ZNF142: variants seen among roughly 807,000 people sequenced by gnomAD.
ZNF142 encodes the protein zinc finger protein 142.
Under a neutral mutation model 132.1 loss-of-function variants are expected in ZNF142, and 96 were observed. That is an observed-to-expected ratio of 0.73 (90% CI 0.62 to 0.86). The LOEUF is 0.86. Among genes scored for constraint, ZNF142 ranks in the 40% least tolerant of loss-of-function variants. The pLI, the probability that ZNF142 is intolerant of heterozygous loss-of-function variation, is 0.00. For missense variants in ZNF142, 2,163 were observed against 2,336.2 expected (o/e 0.93, Z 1.53); for synonymous variants, 842 against 890.1 (o/e 0.95, Z 0.96).
At position 218,634,193 on chromosome 2, in the gene ZNF142, G is replaced by A. The variant is rs1696571224; in HGVS notation, c.*4146C>T. 6.2e-7 allele frequency: 1 copy of A among 1,611,584 alleles called. No individual in the cohort carries two copies. The highest frequency in any genetic ancestry group is 8.5e-7 in the Non-Finnish European group (1 of 1,178,916). On this transcript the variant is annotated 3_prime_UTR_variant, in exon 11 of 11. Coordinates refer to ENST00000411696, the MANE Select transcript of ZNF142 (RefSeq NM_001379659.1). The surrounding 1 kb of genome is among the most constrained non-coding windows in gnomAD (Gnocchi z 4.0). The stretch of plus-strand genomic sequence containing the variant: ...CAGACTCTTCCAACTACAACCCCCA[G>A]GAACTCTGGAATGCAGGCTGCCAGA...
chr2:218,633,872 A>ACCCCC lies in ZNF142; in HGVS notation c.*4466_*4467insGGGGG. The ACCCCC allele has an allele frequency of 7.3e-7, 1 of 1,369,080 alleles. No individual in the cohort carries two copies. The highest frequency in any genetic ancestry group is 1.0e-6 in the Non-Finnish European group (1 of 988,636). 84.8% of individuals were successfully genotyped at this position (1,369,080 alleles called of 1,614,324 possible). A position where few individuals can be genotyped will look rare whatever the true frequency, so the allele number is the denominator to read the frequency against. On this transcript the variant is annotated 3_prime_UTR_variant, in exon 11 of 11. Transcript: ENST00000411696. The stretch of plus-strand genomic sequence containing the variant: ...AGACAAGGTAGCTAAGGAGAGATGA[A>ACCCCC]GGAGTTCAGAAACTCCTTAGAGCAG...
At chr2:218,638,847 G>A (rs1325790973) in intron 10 of ZNF142, 39 bp from the exon 11 acceptor site, 1 of 1,511,922 alleles carries the variant, frequency 6.6e-7, no homozygotes, top group Non-Finnish European at 8.9e-7. Context: ...AAAGGCGGTG[G>A]AGCAAGGTTT....
chr2:218,648,957 C>T lies in ZNF142; in HGVS notation c.1551G>A (p.Glu517=), dbSNP rs1273314004. Residue 517 remains glutamate, a synonymous_variant, in exon 7 of 11, where the codon GAG becomes GAA. Coordinates refer to ENST00000411696, the MANE Select transcript of ZNF142 (RefSeq NM_001379659.1). ...GCATGGGACATGAGTGATGGCGGCA[C>T]TCCACAGCCCGCACCCCATGGGTCT... ...LKETHGVRAV[E]CRHHSCPMLF... The T allele has an allele frequency of 1.2e-6, 2 of 1,612,660 alleles. No individual in the cohort carries two copies. The highest frequency in any genetic ancestry group is 1.3e-5 in the African/African-American group (1 of 75,072).
chr2:218,651,608 G>A, intron 5 of ZNF142, 93 bp downstream of exon 5: 6 of 1,182,596 alleles, frequency 5.1e-6, no homozygotes, highest in Non-Finnish European at 5.4e-6. Flanking sequence ...TTATATTCAT[G>A]TACATTCATG....
chr2:218,642,441 A>G lies in ZNF142; in HGVS notation c.4675T>C (p.Cys1559Arg). 1.2e-6 allele frequency: 2 copies of G among 1,612,794 alleles called. No homozygotes were observed. The highest frequency in any genetic ancestry group is 2.2e-5 in the South Asian group (2 of 91,026). The change falls in exon 9 of 11, where the codon TGC becomes CGC. Residue 1559 changes from cysteine (C) to arginine (R), a missense_variant. Coordinates refer to ENST00000411696, the MANE Select transcript of ZNF142 (RefSeq NM_001379659.1). The surrounding 1 kb of genome is among the most constrained non-coding windows in gnomAD (Gnocchi z 4.6). ...KQHPRLECGA[C>R]QEAFPSRLAL... ...AGTCGGCTAGGGAAGGCCTCCTGGC[A>G]GGCCCCACACTCAAGCCGTGGGTGC...
At chr2:218,650,946 C>T (rs1299368133) in intron 5 of ZNF142, among the ~76,000 whole-genome samples, 2 of 151,844 alleles carry the variant, frequency 1.3e-5, no homozygotes, top group Non-Finnish European at 2.9e-5. Context: ...ACTACTAAAA[C>T]GCCGTCTCCC....
In ZNF142 at chr2:218,644,183, T is replaced by C; in HGVS notation, c.2933A>G (p.Asn978Ser). The C allele has an allele frequency of 6.2e-7, 1 of 1,614,020 alleles. No homozygotes were observed. The highest frequency in any genetic ancestry group is 8.5e-7 in the Non-Finnish European group (1 of 1,179,972). Residue 978 changes from asparagine (N) to serine (S), a missense_variant, in exon 9 of 11, where the codon AAC (asparagine) becomes AGC (serine). Physicochemically the swap from Asn to Ser is conservative, Grantham distance 46 (BLOSUM62 1). Transcript: ENST00000411696. This position sits in a 1 kb window ranked among gnomAD's most constrained non-coding sequence, Gnocchi z 4.6. ...NPPSLEEAPN[N>S]WVGTFKTTPP... The stretch of plus-strand genomic sequence containing the variant: ...AGTTGTCTTGAAGGTTCCTACCCAG[T>C]TGTTAGGAGCCTCCTCTAAGGATGG...
chr2:218,641,855 T>TA (rs1319009068), intron 9 of ZNF142, among the ~76,000 whole-genome samples, 173 bp downstream of exon 9: 1 of 152,214 alleles, frequency 6.6e-6, no homozygotes, highest in Non-Finnish European at 1.5e-5. Context: ...ACAACAACCC[T>TA]ATGAAGTTGG....
chr2:218,649,140 A>G lies in ZNF142; in HGVS notation c.1368T>C (p.Pro456=). The G allele has an allele frequency of 6.2e-7, 1 of 1,614,208 alleles. No homozygotes were observed. Among genetic ancestry groups the G allele is most frequent in the African/African-American group, 1.3e-5 (1 of 75,076 alleles). ...TGAGGCGGAATTCCTCACGGCAGAC[A>G]GGACAGGCATAGGTGTCTGAGTAGA... ...SNFYSDTYAC[P]VCREEFRLSQ... The change falls in exon 7 of 11, where the codon CCT becomes CCC. Residue 456 remains proline, a synonymous_variant. Coordinates refer to ENST00000411696, the MANE Select transcript of ZNF142 (RefSeq NM_001379659.1).
At position 218,644,595 on chromosome 2, in the gene ZNF142, C is replaced by T; in HGVS notation, c.2521G>A (p.Gly841Ser). ...NQLSARPEGP[G>S]HEPGTVVDPS... ...TCCACCACAGTCCCAGGTTCGTGAC[C>T]TGGCCCCTCAGGTCGGGCTGACAGC... Residue 841 changes from glycine (G) to serine (S), a missense_variant, in exon 9 of 11, where the codon GGT becomes AGT. Physicochemically the swap from Gly to Ser is moderately conservative, Grantham distance 56. Around this residue, in one of 7 missense-constraint regions of ZNF142, gnomAD observed 749 missense variants for 830.3 expected, o/e 0.90. Coordinates refer to ENST00000411696, the MANE Select transcript of ZNF142 (RefSeq NM_001379659.1). The surrounding 1 kb of genome is among the most constrained non-coding windows in gnomAD (Gnocchi z 4.6). 6.2e-7 allele frequency: 1 copy of T among 1,614,188 alleles called. No individual in the cohort carries two copies. The highest frequency in any genetic ancestry group is 8.5e-7 in the Non-Finnish European group (1 of 1,180,046).
In ZNF142 at chr2:218,642,312, G is replaced by A; in HGVS notation, c.4804C>T (p.Gln1602Ter). The change falls in exon 9 of 11, where the codon CAG becomes TAG. Residue 1602 changes from glutamine (Q) to a stop codon, truncating the protein, a stop_gained. Transcript: ENST00000411696. LOFTEE classifies it high-confidence loss of function. This position sits in a 1 kb window ranked among gnomAD's most constrained non-coding sequence, Gnocchi z 4.6. Reference sequence around the variant, plus strand: ...ACGGCTGCTGAAGTCTCCTCATGCTGTTCCAGGTAGTGCTTTACCAGGCCC... The same window carrying A: ...ACGGCTGCTGAAGTCTCCTCATGCTATTCCAGGTAGTGCTTTACCAGGCCC... ...RVGLVKHYLE[Q>*]HEETSAAVAA... 2 of 1,614,012 alleles carry A rather than the reference G, an allele frequency of 1.2e-6. No homozygotes were observed. The highest frequency in any genetic ancestry group is 1.7e-6 in the Non-Finnish European group (2 of 1,180,042).
At position 218,644,961 on chromosome 2, in the gene ZNF142, A is replaced by G; in HGVS notation, c.2155T>C (p.Phe719Leu). Residue 719 changes from phenylalanine to leucine, a missense_variant, in exon 9 of 11, where the codon TTC becomes CTC. By Grantham distance (22) the Phe-to-Leu change is conservative (BLOSUM62 0). This residue lies in a region of ZNF142 where 749 missense variants were observed against 830.3 expected (regional missense o/e 0.90). Coordinates refer to ENST00000411696, the MANE Select transcript of ZNF142 (RefSeq NM_001379659.1). The surrounding 1 kb of genome is among the most constrained non-coding windows in gnomAD (Gnocchi z 4.6). The stretch of plus-strand genomic sequence containing the variant: ...AGCTCATACTTCCGCTTGCAGGCGA[A>G]GGCACACACCTCACACATCAGAGAC... ...GKSLMCEVCA[F>L]ACKRKYELQK... 6.2e-7 allele frequency: 1 copy of G among 1,614,166 alleles called. No homozygotes were observed.
Position 218,642,446 on chromosome 2 carries a change from C to T in ZNF142, c.4670G>A (p.Gly1557Glu). 6.2e-7 allele frequency: 1 copy of T among 1,612,646 alleles called. No homozygotes were observed. The highest frequency in any genetic ancestry group is 8.5e-7 in the Non-Finnish European group (1 of 1,179,628). ...TRKQHPRLEC[G>E]ACQEAFPSRL... Reference sequence around the variant, plus strand: ...GCTAGGGAAGGCCTCCTGGCAGGCCCCACACTCAAGCCGTGGGTGCTGTTT... The same window carrying T: ...GCTAGGGAAGGCCTCCTGGCAGGCCTCACACTCAAGCCGTGGGTGCTGTTT... Residue 1557 changes from glycine to glutamate, a missense_variant, in exon 9 of 11, where the codon GGG becomes GAG. Around this residue, in one of 7 missense-constraint regions of ZNF142, gnomAD observed 809 missense variants for 801.7 expected, o/e 1.01. Transcript: ENST00000411696. The surrounding 1 kb of genome is among the most constrained non-coding windows in gnomAD (Gnocchi z 4.6).
rs1938915312 is a variant in ZNF142 at position 218,658,765 on chromosome 2, A to C, written c.-99T>G. ...CATACATGGCCTCCGGGGGGAGCCAAGGAGGACGCTGAGCCGTCAAGATTA... is the reference window on the plus strand; with the variant it reads ...CATACATGGCCTCCGGGGGGAGCCACGGAGGACGCTGAGCCGTCAAGATTA... On this transcript the variant is annotated 5_prime_UTR_variant, in exon 3 of 11. Coordinates refer to ENST00000411696, the MANE Select transcript of ZNF142 (RefSeq NM_001379659.1). 2 of 152,064 alleles carry C rather than the reference A, an allele frequency of 1.3e-5. No individual in the cohort carries two copies. The highest frequency in any genetic ancestry group is 4.2e-4 in the South Asian group (2 of 4,814). The allele number at this position is 152,064 out of a possible 1,614,324, so 9.4% of individuals were successfully genotyped here.
chr2:218,636,593 G>A lies in ZNF142; in HGVS notation c.*1746C>T, dbSNP rs1696770744. 1 of 1,610,990 alleles carries A rather than the reference G, an allele frequency of 6.2e-7. No individual in the cohort carries two copies. On this transcript the variant is annotated 3_prime_UTR_variant, in exon 11 of 11. Coordinates refer to ENST00000411696, the MANE Select transcript of ZNF142 (RefSeq NM_001379659.1). ...TGAGTCCTGAGGTGGGCATTTCACG[G>A]GAAGGGTTGGTGTGCTGGCTTTAGA...
intron 10 of ZNF142, among the ~76,000 whole-genome samples, chr2:218,639,837 T>C (rs1387161728): frequency 2.0e-5 from 3 of 148,188 alleles, no homozygotes; most frequent in Non-Finnish European, 4.5e-5. Flanking sequence ...GGGCGGATCA[T>C]GAGGTCAGGA....
At chr2:218,658,560 A>C (rs1938870511) in intron 3 of ZNF142, 141 bp downstream of exon 3, 1 of 152,232 alleles carries the variant, frequency 6.6e-6, no homozygotes, top group Admixed American at 6.6e-5. Context: ...AACAAACAAA[A>C]ACCAAGATCC....
chr2:218,643,683 G>A lies in ZNF142; in HGVS notation c.3433C>T (p.Leu1145Phe), dbSNP rs1479367416. The A allele has an allele frequency of 5.1e-6, 8 of 1,561,762 alleles. No homozygotes were observed. The highest frequency in any genetic ancestry group is 6.9e-6 in the Non-Finnish European group (8 of 1,158,272). The part of the protein sequence containing the change: ...LLLPKDAPLE[L>F]PREPEETEEP... Reference sequence around the variant, plus strand: ...TCTGTTTCTTCTGGCTCCCTGGGAAGCTCCAAAGGAGCATCTTTTGGAAGC... The same window carrying A: ...TCTGTTTCTTCTGGCTCCCTGGGAAACTCCAAAGGAGCATCTTTTGGAAGC... Residue 1145 changes from leucine (L) to phenylalanine (F), a missense_variant, in exon 9 of 11, where the codon CTT becomes TTT. This residue lies in a region of ZNF142 where 809 missense variants were observed against 801.7 expected (regional missense o/e 1.01). Transcript: ENST00000411696.
In ZNF142 at chr2:218,656,186, C is replaced by T. The variant is rs1415734283; in HGVS notation, c.244G>A (p.Gly82Arg). The stretch of plus-strand genomic sequence containing the variant: ...CCAGGAGCACCTGGGGTCAGGGTTC[C>T]AGCTACTGTCTCCACAATGATCTCC... ...NMEIIVETVA[G>R]TLTPGAPGET... is the part of the protein sequence containing the mutation. Residue 82 changes from glycine to arginine, a missense_variant, in exon 4 of 11, where the codon GGA becomes AGA. Physicochemically the swap from Gly to Arg is moderately radical, Grantham distance 125. Transcript: ENST00000411696. 3 of 1,608,626 alleles carry T rather than the reference C, an allele frequency of 1.9e-6. No individual in the cohort carries two copies. The highest frequency in any genetic ancestry group is 2.2e-5 in the South Asian group (2 of 89,922).
Sources: gnomAD v4.1 joint callset for allele counts (sites outside exome capture counted in the v4.1 genomes callset) on GRCh38, gnomAD v4.1.1 for gene constraint, gnomAD v4.1.1 regional missense constraint, Gnocchi (gnomAD v3.1) non-coding constraint, MANE v1.5 for transcripts, NCBI Gene and HGNC (gene_info 2026-07-23, HGNC 2026-07-21) for gene names.